The following DCDC2C variants were observed in gnomAD, a reference collection of about 807,000 sequenced individuals.
The protein encoded by DCDC2C is doublecortin domain containing 2C.
Under a neutral mutation model 45.0 loss-of-function variants are expected in DCDC2C, and 44 were observed. The ratio of observed to expected loss-of-function variants is 0.98; its 90% CI spans 0.77 to 1.26. The LOEUF is 1.26. Ranked by LOEUF, DCDC2C falls within the 50% of genes most tolerant of loss-of-function variation. DCDC2C has a pLI of 0.00. For missense variants in DCDC2C, 447 were observed against 468.9 expected, an observed-to-expected ratio of 0.95 and a Z score of 0.43; for synonymous variants, 187 against 178.8, an observed-to-expected ratio of 1.05 and a Z score of -0.37.
intron 10 of DCDC2C, among the ~76,000 whole-genome samples, chr2:3,814,168 T>C (rs1257991828): frequency 6.6e-6 from 1 of 152,228 alleles, no homozygotes; most frequent in Non-Finnish European, 1.5e-5. Context: ...CAGTCAATTG[T>C]AGGTTCAGTA....
chr2:3,723,053 C>A (rs1032352758), intron 2 of DCDC2C, among the ~76,000 whole-genome samples: 3 of 152,166 alleles, frequency 2.0e-5, no homozygotes, highest in African/African-American at 4.8e-5. Context: ...TTTCCACCTT[C>A]TTCCATGGCC....
chr2:3,739,286 G>C (rs1010150149), intron 3 of DCDC2C, among the ~76,000 whole-genome samples: 2 of 152,192 alleles, frequency 1.3e-5, no homozygotes, highest in Admixed American at 1.3e-4. Context: ...GGGAACTGCT[G>C]GGGACAGGAG....
chr2:3,831,444 A>G (rs1237505359), intron 10 of DCDC2C, among the ~76,000 whole-genome samples: 1 of 152,228 alleles, frequency 6.6e-6, no homozygotes, highest in African/African-American at 2.4e-5. Flanking sequence ...CGTACTGAAT[A>G]ACATCGGCAA....
intron 10 of DCDC2C, among the ~76,000 whole-genome samples, chr2:3,828,782 G>A (rs2148231943): frequency 6.6e-6 from 1 of 152,250 alleles, no homozygotes; most frequent in African/African-American, 2.4e-5. Context: ...GCAACACCTT[G>A]TTTCCGAAAC....
At chr2:3,738,421 G>T (rs1316980626) in intron 3 of DCDC2C, among the ~76,000 whole-genome samples, 2 of 151,826 alleles carry the variant, frequency 1.3e-5, no homozygotes, top group East Asian at 3.9e-4. Context: ...GAGTTGAGGA[G>T]AATTCAAAGT....
intron 8 of DCDC2C, among the ~76,000 whole-genome samples, chr2:3,772,862 G>A (rs1332206186): frequency 3.3e-5 from 5 of 152,172 alleles, no homozygotes; most frequent in South Asian, 2.1e-4. Flanking sequence ...TCACACTGGC[G>A]TTTCAAGGCT....
intron 10 of DCDC2C, among the ~76,000 whole-genome samples, chr2:3,828,933 G>A (rs1454238): frequency 0.97 from 147,328 of 152,306 alleles, 71,448 homozygotes; most frequent in East Asian, 1. Context: ...TGGCTATTTT[G>A]TTGAAGTTAT....
Position 3,741,963 on chromosome 2 carries a change from A to G in DCDC2C, c.460A>G (p.Ile154Val), listed in dbSNP as rs1669224519. 2 of 1,548,972 alleles carry G rather than the reference A, an allele frequency of 1.3e-6. No individual in the cohort carries two copies. The highest frequency in any genetic ancestry group is 8.7e-7 in the Non-Finnish European group (1 of 1,146,432). The part of the protein sequence containing the change: ...GRLFIPPAKI[I>V]IPKFSLSDWD... Reference sequence around the variant, plus strand: ...ATTATTTATTCCACCTGCAAAAATCATTATACCCAAATTTAGTCTGTCCGA... The same window carrying G: ...ATTATTTATTCCACCTGCAAAAATCGTTATACCCAAATTTAGTCTGTCCGA... The change falls in exon 4 of 11, where the codon ATT (isoleucine) becomes GTT (valine). Residue 154 changes from isoleucine to valine, a missense_variant. Transcript: ENST00000399143.
chr2:3,765,036 G>A (rs1669976940), intron 6 of DCDC2C, among the ~76,000 whole-genome samples: 1 of 152,210 alleles, frequency 6.6e-6, no homozygotes, highest in African/African-American at 2.4e-5. Flanking sequence ...CACGTCTTCA[G>A]TATTAAGTAC....
intron 1 of DCDC2C, among the ~76,000 whole-genome samples, chr2:3,706,573 T>C (rs1343931042): frequency 6.6e-6 from 1 of 152,224 alleles, no homozygotes. Context: ...TGTATGTGTT[T>C]AGGGGAGGGA....
chr2:3,712,456 A>G (rs1449353750), intron 2 of DCDC2C, among the ~76,000 whole-genome samples: 1 of 150,516 alleles, frequency 6.6e-6, no homozygotes, highest in Non-Finnish European at 1.5e-5. Context: ...ACTTGAGCCC[A>G]GGAATTCTAG....
intron 10 of DCDC2C, among the ~76,000 whole-genome samples, chr2:3,827,656 C>T (rs140975275): frequency 1.0e-3 from 158 of 152,270 alleles, no homozygotes; most frequent in African/African-American, 3.4e-3. Flanking sequence ...CTGATTTTCT[C>T]CTCTTGCTGG....
At chr2:3,788,790 CTCCCTTCCT>C (rs58922019) in intron 10 of DCDC2C, among the ~76,000 whole-genome samples, 13,940 of 131,772 alleles carry the variant, frequency 0.11, 907 homozygotes, top group East Asian at 0.33. Context: ...CCCTTTCTTC[CTCCCTTCCT>C]TCCCTCCCTT....
chr2:3,828,387 G>A (rs1012050759), intron 10 of DCDC2C, among the ~76,000 whole-genome samples: 22 of 152,216 alleles, frequency 1.4e-4, no homozygotes, highest in African/African-American at 5.3e-4. Flanking sequence ...TCTCTCTGTG[G>A]GCTTGCCTCA....
rs1671598943 is a variant in DCDC2C at position 3,818,117 on chromosome 2, G to A, written c.1066-29037G>A. 6.6e-6 allele frequency among the ~76,000 whole-genome samples: 1 copy of A among 152,172 alleles called. No individual in the cohort carries two copies. Among genetic ancestry groups the A allele is most frequent in the Non-Finnish European group, 1.5e-5 (1 of 68,030 alleles). On this transcript the variant is annotated intron_variant, in intron 10 of 10. Transcript: ENST00000399143. This position sits in a 1 kb window ranked among gnomAD's most constrained non-coding sequence, Gnocchi z 4.7. ...GAATAGATGTTGGAAGAGCAGGAGG[G>A]TGTCCTGTTGGGAAGATTTGTAGGA...
At chr2:3,729,200 C>T (rs1668787527) in intron 3 of DCDC2C, among the ~76,000 whole-genome samples, 1 of 152,084 alleles carries the variant, frequency 6.6e-6, no homozygotes, top group Non-Finnish European at 1.5e-5. Flanking sequence ...AGTGGTTTTA[C>T]TTGGGGACTC....
intron 10 of DCDC2C, among the ~76,000 whole-genome samples, chr2:3,810,411 T>C (rs1256994539): frequency 1.3e-5 from 2 of 152,230 alleles, no homozygotes; most frequent in African/African-American, 4.8e-5. Flanking sequence ...TCTGCTCATA[T>C]CTTTTACCAC....
At chr2:3,800,762 T>G (rs1474734710) in intron 10 of DCDC2C, among the ~76,000 whole-genome samples, 1 of 132,886 alleles carries the variant, frequency 7.5e-6, no homozygotes, top group Non-Finnish European at 1.7e-5. Flanking sequence ...GAAGGACATT[T>G]TAAGTGACAT....
Position 3,753,530 on chromosome 2 carries a change from C to A in DCDC2C, c.683+630C>A, listed in dbSNP as rs530523327. On this transcript the variant is annotated intron_variant, in intron 5 of 10. Transcript: ENST00000399143. ...GTGTAGGACATGACTTGAGGGCTTA[C>A]TAGGAACTTTCCTGGAGCTAGTTCT... 1.4e-4 allele frequency among the ~76,000 whole-genome samples: 21 copies of A among 152,272 alleles called. No individual in the cohort carries two copies. The South Asian group carries it at 4.4e-3, about 32-fold the overall frequency.
Sources: gnomAD v4.1 joint callset for allele counts (sites outside exome capture counted in the v4.1 genomes callset) on GRCh38, gnomAD v4.1.1 for gene constraint, Gnocchi (gnomAD v3.1) non-coding constraint, MANE v1.5 for transcripts, NCBI Gene and HGNC (gene_info 2026-07-23, HGNC 2026-07-21) for gene names.